CDKAL1: variants seen among roughly 807,000 people sequenced by gnomAD.
CDKAL1 encodes the protein threonylcarbamoyladenosine tRNA methylthiotransferase.
Under a neutral mutation model 68.2 loss-of-function variants are expected in CDKAL1, and 32 were observed. The ratio of observed to expected loss-of-function variants is 0.47; its 90% confidence interval spans 0.35 to 0.63. The LOEUF (loss-of-function observed/expected upper bound fraction) is 0.63, where lower values mean the gene tolerates loss of function less well. Among genes scored for constraint, CDKAL1 ranks in the 30% least tolerant of loss-of-function variants. The probability of loss-of-function intolerance (pLI) is 0.00; values close to 1 mark genes in which losing one functional copy is unlikely to be tolerated. For missense variants in CDKAL1, 606 were observed against 696.7 expected (o/e 0.87, Z 1.47); for synonymous variants, 234 against 244.3 (o/e 0.96, Z 0.39).
chr6:21,057,338 G>T (rs926279547), intron 11 of CDKAL1, among the ~76,000 whole-genome samples: 3 of 151,934 alleles, frequency 2.0e-5, no homozygotes, highest in Middle Eastern at 3.4e-3. Context: ...TCTGATGGTT[G>T]GTTGTATTTT....
At chr6:20,658,862 C>T (rs1170575061) in intron 5 of CDKAL1, among the ~76,000 whole-genome samples, 6 of 152,138 alleles carry the variant, frequency 3.9e-5, no homozygotes, top group Admixed American at 1.3e-4. Context: ...TTGCTCAGGC[C>T]GGAGTGCAGT....
chr6:20,897,578 G>C (rs902472769), intron 9 of CDKAL1, among the ~76,000 whole-genome samples: 12 of 152,048 alleles, frequency 7.9e-5, no homozygotes, highest in Non-Finnish European at 1.8e-4. Context: ...CTCTAATTTT[G>C]TATCTTTTTT....
At chr6:20,761,166 A>G (rs890029827) in intron 7 of CDKAL1, among the ~76,000 whole-genome samples, 2 of 152,270 alleles carry the variant, frequency 1.3e-5, no homozygotes, top group East Asian at 1.9e-4. Flanking sequence ...GGTGTTTGAC[A>G]TCGTATGTCT....
At chr6:20,711,309 A>G (rs544518426) in intron 5 of CDKAL1, among the ~76,000 whole-genome samples, 13 of 152,350 alleles carry the variant, frequency 8.5e-5, no homozygotes, top group Middle Eastern at 3.4e-3. Flanking sequence ...TTAGCCAAAT[A>G]TGAGATTCTA....
chr6:20,733,166 C>T (rs1487889601), intron 5 of CDKAL1, among the ~76,000 whole-genome samples: 9 of 152,154 alleles, frequency 5.9e-5, no homozygotes, highest in Non-Finnish European at 1.0e-4. Flanking sequence ...ACGTTGGTAT[C>T]CTTGGGTCTC....
intron 11 of CDKAL1, among the ~76,000 whole-genome samples, chr6:21,047,305 G>C (rs1247449368): frequency 6.6e-6 from 1 of 152,072 alleles, no homozygotes; most frequent in Non-Finnish European, 1.5e-5. Flanking sequence ...CCAGGCGCTG[G>C]AGCCAACTTG....
chr6:20,654,069 G>C (rs6456366), intron 5 of CDKAL1, among the ~76,000 whole-genome samples: 20,012 of 151,726 alleles, frequency 0.13, 1,555 homozygotes, highest in East Asian at 0.38. Flanking sequence ...TTTTAGTAGA[G>C]ATGTGGTTTC....
At position 20,784,338 on chromosome 6, in the gene CDKAL1, G is replaced by T. The variant is rs1357751525; in HGVS notation, c.638+3073G>T. 4.3e-5 allele frequency among the ~76,000 whole-genome samples: 6 copies of T among 140,428 alleles called. No homozygotes were observed. In the Admixed American group the frequency reaches 4.3e-4, roughly 10 times the overall value. 92.1% of individuals were successfully genotyped at this position (140,428 alleles called of 152,430 possible). On this transcript the variant is annotated intron_variant, in intron 8 of 15. Coordinates refer to ENST00000274695, the MANE Select transcript of CDKAL1 (RefSeq NM_017774.3). ...ATGCTGCCTAAATAGTTGTTATACT[G>T]TATTTTAAAAATTTGGCTTCTTTTA...
chr6:21,155,574 T>C (rs777396211), intron 13 of CDKAL1, among the ~76,000 whole-genome samples: 4 of 152,216 alleles, frequency 2.6e-5, no homozygotes, highest in Admixed American at 1.3e-4. Context: ...CGGTGAAAGC[T>C]CTTTAAGAGC....
intron 15 of CDKAL1, among the ~76,000 whole-genome samples, chr6:21,217,186 A>G (rs1384034141): frequency 6.6e-6 from 1 of 151,910 alleles, no homozygotes; most frequent in Non-Finnish European, 1.5e-5. Flanking sequence ...ATACACACAT[A>G]TATATATATT....
intron 5 of CDKAL1, among the ~76,000 whole-genome samples, chr6:20,674,579 G>GT (rs1562016237): frequency 1.3e-5 from 2 of 151,996 alleles, no homozygotes; most frequent in Non-Finnish European, 2.9e-5. Context: ...TCATTTCTTT[G>GT]GGTTGGGAAC....
Position 20,955,517 on chromosome 6 carries a change from G to C in CDKAL1, c.841G>C (p.Val281Leu). Residue 281 changes from valine (V) to leucine (L), a missense_variant, in exon 10 of 16, where the codon GTG becomes CTG. Coordinates refer to ENST00000274695, the MANE Select transcript of CDKAL1 (RefSeq NM_017774.3). ...CACACTCCTGTGGAAACTGGTTGAA[G>C]TGATTCCTGAGGGAGCAATGCTGAG... is the stretch of plus-strand genomic sequence containing the variant. ...LPTLLWKLVE[V>L]IPEGAMLRLG... 1 of 1,614,194 alleles carries C rather than the reference G, an allele frequency of 6.2e-7. No homozygotes were observed. Among genetic ancestry groups the C allele is most frequent in the Non-Finnish European group, 8.5e-7 (1 of 1,180,008 alleles).
chr6:20,804,594 C>T (rs1283713480), intron 8 of CDKAL1, among the ~76,000 whole-genome samples: 3 of 152,186 alleles, frequency 2.0e-5, no homozygotes, highest in Non-Finnish European at 4.4e-5. Context: ...TATCAGGAAA[C>T]AGCCACATTC....
At chr6:21,096,383 C>T (rs1003180177) in intron 12 of CDKAL1, among the ~76,000 whole-genome samples, 1 of 152,182 alleles carries the variant, frequency 6.6e-6, no homozygotes, top group African/African-American at 2.4e-5. Context: ...AGAGTTTGCG[C>T]AGATCCAGAC....
intron 10 of CDKAL1, among the ~76,000 whole-genome samples, chr6:20,997,497 A>G (rs139367267): frequency 1.3e-5 from 2 of 149,980 alleles, no homozygotes; most frequent in African/African-American, 4.9e-5. Context: ...GAAGCTAAAG[A>G]TAATTACTAG....
chr6:20,792,324 G>A (rs1002694473), intron 8 of CDKAL1, among the ~76,000 whole-genome samples: 1 of 152,088 alleles, frequency 6.6e-6, no homozygotes, highest in Admixed American at 6.6e-5. Context: ...GGTTTAAAAC[G>A]AGGTCATTTT....
intron 11 of CDKAL1, among the ~76,000 whole-genome samples, chr6:21,037,309 T>A (rs2150888723): frequency 6.6e-6 from 1 of 152,298 alleles, no homozygotes; most frequent in South Asian, 2.1e-4. Context: ...AGAATGCCTT[T>A]GCATTACAGG....
chr6:21,094,047 T>A (rs892393838), intron 12 of CDKAL1, among the ~76,000 whole-genome samples: 1 of 152,094 alleles, frequency 6.6e-6, no homozygotes, highest in African/African-American at 2.4e-5. Context: ...GCATATTTTT[T>A]AAATTACTAA....
chr6:21,166,704 A>G (rs1777169279), intron 13 of CDKAL1, among the ~76,000 whole-genome samples: 1 of 152,218 alleles, frequency 6.6e-6, no homozygotes, highest in Non-Finnish European at 1.5e-5. Context: ...TTTTGATTGA[A>G]AAGGAAAATG....
Sources: gnomAD v4.1 joint callset for allele counts (sites outside exome capture counted in the v4.1 genomes callset) on GRCh38, gnomAD v4.1.1 for gene constraint, MANE v1.5 for transcripts, NCBI Gene and HGNC (gene_info 2026-07-23, HGNC 2026-07-21) for gene names.